FBXO3: variants seen among roughly 807,000 people sequenced by gnomAD.
FBXO3 encodes the protein F-box only protein 3.
Under a neutral mutation model 64.8 loss-of-function variants are expected in FBXO3, and 17 were observed. The observed-to-expected ratio is 0.26, with a 90% CI of 0.18 to 0.39. The LOEUF (loss-of-function observed/expected upper bound fraction) is 0.39. Among genes scored for constraint, FBXO3 ranks in the 10% least tolerant of loss-of-function variants. The pLI, the probability that FBXO3 is intolerant of heterozygous loss-of-function variation, is 1.00. For missense variants in FBXO3, 420 were observed against 589.9 expected (o/e 0.71, Z 2.98); for synonymous variants, 182 against 201.6 (o/e 0.90, Z 0.82).
chr11:33,750,518 G>A, intron 8 of FBXO3, 21 bp downstream of exon 8: 1 of 1,613,020 alleles, frequency 6.2e-7, no homozygotes, highest in Non-Finnish European at 8.5e-7. Flanking sequence ...ACTGAAAGGT[G>A]ACCCCATTTA....
chr11:33,766,135 G>C (rs553591687), intron 3 of FBXO3, among the ~76,000 whole-genome samples: 70 of 152,266 alleles, frequency 4.6e-4, no homozygotes, highest in African/African-American at 1.6e-3. Context: ...TTAATAAAGT[G>C]CTTTACTCAT....
chr11:33,773,239 T>C (rs1855554399), intron 1 of FBXO3: 1 of 152,082 alleles, frequency 6.6e-6, no homozygotes, highest in South Asian at 2.1e-4. Flanking sequence ...CTGGCAGCAA[T>C]CAAAAGTTGG....
chr11:33,747,405 T>C (rs773914821), intron 9 of FBXO3, 85 bp from the exon 10 acceptor site: 1 of 1,091,618 alleles, frequency 9.2e-7, no homozygotes. Flanking sequence ...CATGGCATTA[T>C]GTAAACTATA....
chr11:33,750,804 T>C, intron 7 of FBXO3, 143 bp from the exon 8 acceptor site: 1 of 667,874 alleles, frequency 1.5e-6, no homozygotes, highest in Non-Finnish European at 2.4e-6. Flanking sequence ...TATAGTCCTA[T>C]TAAACTTTGA....
chr11:33,742,425 TCC>T (rs1854709267), intron 10 of FBXO3: 2 of 168,012 alleles, frequency 1.2e-5, no homozygotes, highest in East Asian at 3.3e-4. Flanking sequence ...CACCTCATCC[TCC>T]CGAGTAGCTG....
At position 33,743,222 on chromosome 11, in the gene FBXO3, G is replaced by C. The variant is rs1203224503; in HGVS notation, c.1240-1138C>G. On this transcript the variant is annotated intron_variant, in intron 10 of 10. Coordinates refer to ENST00000265651, the MANE Select transcript of FBXO3 (RefSeq NM_012175.4). This position sits in a 1 kb window ranked among gnomAD's most constrained non-coding sequence, Gnocchi z 4.6. ...GTGTCACTTTGCCGATTCGTTATAA[G>C]TATATATCTAAGATCAACCCACACT... 2.0e-5 allele frequency: 3 copies of C among 152,080 alleles called. No individual in the cohort carries two copies. The South Asian group carries it at 6.2e-4, about 31-fold the overall frequency. The allele number at this position is 152,080 out of a possible 1,614,324, so 9.4% of individuals were successfully genotyped here. A position where few individuals can be genotyped will look rare whatever the true frequency, so the allele number is the denominator to read the frequency against.
At chr11:33,760,041 T>C (rs1855204198) in intron 3 of FBXO3, among the ~76,000 whole-genome samples, 1 of 152,122 alleles carries the variant, frequency 6.6e-6, no homozygotes, top group Non-Finnish European at 1.5e-5. Flanking sequence ...TGGGAGGACA[T>C]GGCAGAAAGG....
chr11:33,760,686 T>C (rs1412027938), intron 3 of FBXO3, among the ~76,000 whole-genome samples: 3 of 152,152 alleles, frequency 2.0e-5, no homozygotes, highest in Non-Finnish European at 2.9e-5. Context: ...AATGATATCT[T>C]CAAACTGATG....
intron 9 of FBXO3, 108 bp from the exon 10 acceptor site, chr11:33,747,428 C>A (rs1244462496): frequency 8.2e-6 from 7 of 849,436 alleles, no homozygotes; most frequent in African/African-American, 1.8e-5. Flanking sequence ...ATAGTAAATG[C>A]ACAGTTAGAA....
chr11:33,763,806 A>G (rs747061357), intron 3 of FBXO3, among the ~76,000 whole-genome samples: 9 of 152,244 alleles, frequency 5.9e-5, no homozygotes, highest in African/African-American at 9.6e-5. Context: ...TACATGATAT[A>G]TAAGGCTTGG....
intron 2 of FBXO3, among the ~76,000 whole-genome samples, chr11:33,770,180 G>T (rs1855478989): frequency 6.6e-6 from 1 of 152,108 alleles, no homozygotes; most frequent in Admixed American, 6.5e-5. Context: ...ATGTTTGATA[G>T]CTCTGTTATT....
intron 6 of FBXO3, among the ~76,000 whole-genome samples, chr11:33,752,122 G>A (rs530632076): frequency 3.3e-5 from 5 of 152,268 alleles, no homozygotes; most frequent in East Asian, 1.9e-4. Context: ...TCTGTGCATC[G>A]GGCCAATCCC....
At chr11:33,745,351 G>A (rs1220772779) in intron 10 of FBXO3, 1 of 147,144 alleles carries the variant, frequency 6.8e-6, no homozygotes, top group African/African-American at 2.5e-5. Context: ...ACTGTCAACC[G>A]ATTTGACCTA....
chr11:33,763,664 T>C (rs1034098554), intron 3 of FBXO3, among the ~76,000 whole-genome samples: 1 of 150,646 alleles, frequency 6.6e-6, no homozygotes, highest in African/African-American at 2.4e-5. Flanking sequence ...AGCAAACATC[T>C]TATTTAAAGG....
At chr11:33,746,926 AG>A in intron 10 of FBXO3, 1 of 1,430,804 alleles carries the variant, frequency 7.0e-7, no homozygotes, top group Non-Finnish European at 9.1e-7. Context: ...TCTTTAAAAC[AG>A]CAGAAATTCT....
chr11:33,750,505 T>C (rs764679968), intron 8 of FBXO3, 34 bp downstream of exon 8: 6 of 1,611,404 alleles, frequency 3.7e-6, no homozygotes, highest in Non-Finnish European at 5.1e-6. Context: ...TATCCCACCA[T>C]TAACTGAAAG....
In FBXO3 at chr11:33,751,585, A is replaced by T. The variant is rs1854959205; in HGVS notation, c.747T>A (p.Phe249Leu). The T allele has an allele frequency of 6.2e-7, 1 of 1,607,362 alleles. No individual in the cohort carries two copies. Among genetic ancestry groups the T allele is most frequent in the Non-Finnish European group, 8.5e-7 (1 of 1,177,256 alleles). Residue 249 changes from phenylalanine to leucine, a missense_variant, in exon 7 of 11, where the codon TTT becomes TTA. Phe to Leu is a conservative substitution (Grantham distance 22). Transcript: ENST00000265651. The stretch of plus-strand genomic sequence containing the variant: ...ATACAACATTTTTGACATAAGAGGT[A>T]AACCAGTCAGTAAAAGTAGCACCTA... ...FIIGATFTDW[F>L]TSYVKNVVSG...
chr11:33,754,503 A>G lies in FBXO3; in HGVS notation c.679-3T>C, dbSNP rs768520234. 17 of 1,572,078 alleles carry G rather than the reference A, an allele frequency of 1.1e-5. No individual in the cohort carries two copies. The highest frequency in any genetic ancestry group is 2.6e-6 in the Non-Finnish European group (3 of 1,159,696). ...GCTGGATTTCGAGCCATTTGGTCCT[A>G]GGTGAGAAAAAGAATACAATCGATA... is the stretch of plus-strand genomic sequence containing the variant. On this transcript the variant is annotated splice_region_variant and splice_polypyrimidine_tract_variant and intron_variant, in intron 5 of 10. Transcript: ENST00000265651.
At chr11:33,758,418 AATTT>A in intron 4 of FBXO3, 65 bp downstream of exon 4, 1 of 1,191,092 alleles carries the variant, frequency 8.4e-7, no homozygotes. Context: ...CTACAAATAC[AATTT>A]ATTTACTTTC....
Sources: gnomAD v4.1 joint callset for allele counts (sites outside exome capture counted in the v4.1 genomes callset) on GRCh38, gnomAD v4.1.1 for gene constraint, Gnocchi (gnomAD v3.1) non-coding constraint, MANE v1.5 for transcripts, NCBI Gene and HGNC (gene_info 2026-07-23, HGNC 2026-07-21) for gene names.